The following PREX2 variants were observed in gnomAD, a reference collection of about 807,000 sequenced individuals.
The protein encoded by PREX2 is phosphatidylinositol-3,4,5-trisphosphate dependent Rac exchange factor 2.
A neutral mutation model predicts 203.2 loss-of-function variants in PREX2; 107 were observed. The observed-to-expected ratio is 0.53, with a 90% CI of 0.45 to 0.62. PREX2 has a LOEUF of 0.62. Among genes scored for constraint, PREX2 ranks in the 20% least tolerant of loss-of-function variants. The pLI is 0.00. For missense variants in PREX2, 1,777 were observed against 1,955.9 expected (o/e 0.91, Z 1.72); for synonymous variants, 672 against 663.6 (o/e 1.01, Z -0.19).
In PREX2 at chr8:68,117,704, G is replaced by A. The variant is rs112444262; in HGVS notation, c.3327-846G>A. Among the ~76,000 whole-genome samples, 336 of 152,248 alleles carry A rather than the reference G, an allele frequency of 2.2e-3. 1 individual carries two copies. The highest frequency in any genetic ancestry group is 3.9e-3 in the Non-Finnish European group (262 of 68,006). ...ATCTCCTGCACTATTTCTGAAATTTGTCCCTGTTCACACACAAACATATTG... is the reference window on the plus strand; with the variant it reads ...ATCTCCTGCACTATTTCTGAAATTTATCCCTGTTCACACACAAACATATTG... On this transcript the variant is annotated intron_variant, in intron 26 of 39. Transcript: ENST00000288368.
Position 68,067,043 on chromosome 8 carries a change from G to A in PREX2, c.1340-1990G>A, listed in dbSNP as rs186535314. Among the ~76,000 whole-genome samples the A allele has an allele frequency of 4.3e-4, 66 of 152,170 alleles. No individual in the cohort carries two copies. In the East Asian group the frequency reaches 0.01, roughly 24 times the overall value. On this transcript the variant is annotated intron_variant, in intron 11 of 39. Transcript: ENST00000288368. Reference sequence around the variant, plus strand: ...GTGGAAGAGCAATGACCATAAATCTGTGAATTTATTTCTGGGATCTGATCT... The same window carrying A: ...GTGGAAGAGCAATGACCATAAATCTATGAATTTATTTCTGGGATCTGATCT...
At chr8:68,009,647 A>G (rs768113712) in intron 1 of PREX2, among the ~76,000 whole-genome samples, 9 of 152,242 alleles carry the variant, frequency 5.9e-5, no homozygotes, top group African/African-American at 9.6e-5. Context: ...ATGGTGGGAT[A>G]TTTGAAATGT....
At position 68,157,872 on chromosome 8, in the gene PREX2, G is replaced by C. The variant is rs887738147; in HGVS notation, c.4346+436G>C. On this transcript the variant is annotated intron_variant, in intron 35 of 39. Transcript: ENST00000288368. ...GGAAGATATGATTGATCATGTGCTTGGTATTGGAAAAATATGTACTTTCAA... is the reference window on the plus strand; with the variant it reads ...GGAAGATATGATTGATCATGTGCTTCGTATTGGAAAAATATGTACTTTCAA... 4.6e-4 allele frequency among the ~76,000 whole-genome samples: 70 copies of C among 151,804 alleles called. 4 individuals are homozygous for C. The highest frequency in any genetic ancestry group is 2.9e-5 in the Non-Finnish European group (2 of 67,920).
chr8:67,987,188 T>C (rs1167576487), intron 1 of PREX2, among the ~76,000 whole-genome samples: 2 of 53,294 alleles, frequency 3.8e-5, no homozygotes, highest in Admixed American at 2.2e-4. Flanking sequence ...AGAACACCAC[T>C]AACTAATTTC....
Position 68,177,676 on chromosome 8 carries a change from GGTTT to G in PREX2, c.4347-14042_4347-14039del, listed in dbSNP as rs200968456. 6.4e-4 allele frequency among the ~76,000 whole-genome samples: 97 copies of G among 152,262 alleles called. 2 individuals carry two copies. In the East Asian group the frequency reaches 0.018, roughly 28 times the overall value. On this transcript the variant is annotated intron_variant, in intron 35 of 39. Transcript: ENST00000288368. ...CTGGGATACATGTGCAGGATATGCA[GGTTT>G]GTTACATAGGTAAATGTGTGCCATG...
Position 68,053,083 on chromosome 8 carries a change from C to G in PREX2, c.944-14C>G. Reference sequence around the variant, plus strand: ...TTACATTTTGTTCATTTGCCTTTACCCATTAATTTACAGCTGATTTCCATA... The same window carrying G: ...TTACATTTTGTTCATTTGCCTTTACGCATTAATTTACAGCTGATTTCCATA... On this transcript the variant is annotated splice_polypyrimidine_tract_variant and intron_variant, in intron 8 of 39. Coordinates refer to ENST00000288368, the MANE Select transcript of PREX2 (RefSeq NM_024870.4). The G allele has an allele frequency of 6.2e-7, 1 of 1,605,362 alleles. No individual in the cohort carries two copies. The highest frequency in any genetic ancestry group is 8.5e-7 in the Non-Finnish European group (1 of 1,174,862).
At chr8:68,113,211 G>GT (rs11369242) in intron 25 of PREX2, among the ~76,000 whole-genome samples, 7,371 of 152,218 alleles carry the variant, frequency 0.048, 537 homozygotes, top group African/African-American at 0.16. Flanking sequence ...CCTAACACTT[G>GT]TCCCACGGGG....
chr8:68,065,526 G>A (rs976344), intron 11 of PREX2, among the ~76,000 whole-genome samples: 105,454 of 151,972 alleles, frequency 0.69, 36,651 homozygotes, highest in East Asian at 0.74. Context: ...AATAGGCTGG[G>A]GTAAAAGAGC....
At position 68,080,529 on chromosome 8, in the gene PREX2, C is replaced by T. The variant is rs769067107; in HGVS notation, c.1729C>T (p.Arg577Ter). The T allele has an allele frequency of 6.2e-7, 1 of 1,610,116 alleles. No individual in the cohort carries two copies. The highest frequency in any genetic ancestry group is 1.1e-5 in the South Asian group (1 of 90,782). ...EEMEGSNMKH[R>*]LMKHDLKVVE... ...AATGGAGGGATCAAATATGAAACAT[C>T]GACTTATGAAACATGACTTAAAAGT... The change falls in exon 16 of 40, where the codon CGA (arginine) becomes TGA (stop). Residue 577 changes from arginine to a stop codon, truncating the protein, a stop_gained. Coordinates refer to ENST00000288368, the MANE Select transcript of PREX2 (RefSeq NM_024870.4). LOFTEE classifies it high-confidence loss of function.
In PREX2 at chr8:68,228,762, T is replaced by C. The variant is rs899763643; in HGVS notation, c.4776-2571T>C. On this transcript the variant is annotated intron_variant, in intron 39 of 39. Coordinates refer to ENST00000288368, the MANE Select transcript of PREX2 (RefSeq NM_024870.4). ...GCCTGGACGACAGAGCGAGACTCCG[T>C]CTCTAAATAAATAAATAAATAAATA... Among the ~76,000 whole-genome samples, 12 of 129,590 alleles carry C rather than the reference T, an allele frequency of 9.3e-5. No individual in the cohort carries two copies. The South Asian group carries it at 1.7e-3, about 19-fold the overall frequency. 85.0% of individuals were successfully genotyped at this position (129,590 alleles called of 152,430 possible). A position where few individuals can be genotyped will look rare whatever the true frequency, so the allele number is the denominator to read the frequency against.
Position 68,201,512 on chromosome 8 carries a change from C to T in PREX2, c.4604+8987C>T, listed in dbSNP as rs568925767. ...CCAATGTTTGAAGGTAGGAAGCATCCAGCATGAGAGAAAGATGTAGTCTGG... is the reference window on the plus strand; with the variant it reads ...CCAATGTTTGAAGGTAGGAAGCATCTAGCATGAGAGAAAGATGTAGTCTGG... On this transcript the variant is annotated intron_variant, in intron 37 of 39. Transcript: ENST00000288368. 1.3e-4 allele frequency among the ~76,000 whole-genome samples: 20 copies of T among 152,250 alleles called. No homozygotes were observed. In the South Asian group the frequency reaches 3.5e-3, roughly 27 times the overall value.
At chr8:68,135,137 A>C (rs1811090589) in intron 32 of PREX2, among the ~76,000 whole-genome samples, 1 of 104,146 alleles carries the variant, frequency 9.6e-6, no homozygotes, top group Admixed American at 9.3e-5. Context: ...ATTACATATG[A>C]TAGGAAGCCT....
At chr8:67,965,757 A>G (rs1805754615) in intron 1 of PREX2, among the ~76,000 whole-genome samples, 1 of 152,148 alleles carries the variant, frequency 6.6e-6, no homozygotes, top group Non-Finnish European at 1.5e-5. Flanking sequence ...TAGTCATAGA[A>G]TGAAGTTTGG....
chr8:68,161,035 A>G (rs1383347529), intron 35 of PREX2, among the ~76,000 whole-genome samples: 2 of 152,144 alleles, frequency 1.3e-5, no homozygotes, highest in African/African-American at 4.8e-5. Context: ...ACCACACAAG[A>G]TAAGATTTTC....
chr8:68,190,214 T>A (rs1453888409), intron 35 of PREX2, among the ~76,000 whole-genome samples: 3 of 152,158 alleles, frequency 2.0e-5, no homozygotes, highest in Non-Finnish European at 4.4e-5. Context: ...CAGCTTTTAT[T>A]TGAATATCTA....
intron 4 of PREX2, among the ~76,000 whole-genome samples, chr8:68,024,083 A>G (rs1250111930): frequency 2.6e-5 from 4 of 152,068 alleles, no homozygotes; most frequent in Non-Finnish European, 4.4e-5. Context: ...CGCATTAAGT[A>G]TGATGTTTGC....
intron 37 of PREX2, among the ~76,000 whole-genome samples, chr8:68,214,457 C>A (rs1219675221): frequency 6.6e-6 from 1 of 152,168 alleles, no homozygotes; most frequent in Non-Finnish European, 1.5e-5. Context: ...ATGCTCCTTT[C>A]TTTCTTTTGC....
chr8:68,179,560 T>A (rs1812045398), intron 35 of PREX2, among the ~76,000 whole-genome samples: 1 of 152,088 alleles, frequency 6.6e-6, no homozygotes, highest in Non-Finnish European at 1.5e-5. Flanking sequence ...GTGTTAGCAG[T>A]TTCTGTTTTC....
chr8:67,961,621 C>G (rs1805634437), intron 1 of PREX2, among the ~76,000 whole-genome samples: 1 of 151,994 alleles, frequency 6.6e-6, no homozygotes, highest in African/African-American at 2.4e-5. Flanking sequence ...GATGATACAT[C>G]TAATAATAAC....
Sources: allele counts gnomAD v4.1 joint callset (sites outside exome capture counted in the v4.1 genomes callset), GRCh38; gene constraint gnomAD v4.1.1; transcripts MANE v1.5; gene names NCBI Gene and HGNC (gene_info 2026-07-23, HGNC 2026-07-21).